The following ONECUT3 variants were observed in gnomAD, a reference collection of about 807,000 sequenced individuals.
ONECUT3 encodes one cut domain family member 3.
ONECUT3 carries 11 observed loss-of-function variants against 16.8 expected under a neutral mutation model. The observed-to-expected ratio is 0.66, with a 90% CI of 0.41 to 1.09. The LOEUF (loss-of-function observed/expected upper bound fraction) is 1.09. Ranked by LOEUF, ONECUT3 falls within the 50% of genes least tolerant of loss-of-function variation. The probability of loss-of-function intolerance (pLI) is 0.00; values close to 1 mark genes in which losing one functional copy is unlikely to be tolerated. For synonymous variants in ONECUT3, 344 were observed against 310.7 expected (o/e 1.11, Z -1.13); for missense variants, 637 against 629.9 (o/e 1.01, Z -0.12).
At chr19:1,756,332 T>C (rs1026017070) in intron 1 of ONECUT3, among the ~76,000 whole-genome samples, 10 of 152,186 alleles carry the variant, frequency 6.6e-5, no homozygotes, top group Admixed American at 4.6e-4. Context: ...AAATAAATAG[T>C]CTTTCGCGTG....
intron 1 of ONECUT3, among the ~76,000 whole-genome samples, chr19:1,765,531 G>A (rs561705745): frequency 5.9e-5 from 9 of 152,314 alleles, no homozygotes; most frequent in East Asian, 1.9e-4. Flanking sequence ...GGCAGCCGCC[G>A]CTTCACGCTG....
chr19:1,762,583 G>A lies in ONECUT3; in HGVS notation c.1192+7729G>A, dbSNP rs1207950785. ...TTGGCGGGTGTGTGGATCCCAGAGC[G>A]CGCCCGGCCCCCAACAGCCTGACAG... is the stretch of plus-strand genomic sequence containing the variant. On this transcript the variant is annotated intron_variant, in intron 1 of 1. Coordinates refer to ENST00000382349, the MANE Select transcript of ONECUT3 (RefSeq NM_001080488.2). This position sits in a 1 kb window ranked among gnomAD's most constrained non-coding sequence, Gnocchi z 4.4. Among the ~76,000 whole-genome samples the A allele has an allele frequency of 1.3e-5, 2 of 152,098 alleles. No individual in the cohort carries two copies. Among genetic ancestry groups the A allele is most frequent in the Non-Finnish European group, 2.9e-5 (2 of 67,992 alleles).
chr19:1,778,654 G>A lies in ONECUT3; in HGVS notation c.*3209G>A, dbSNP rs62127660. ...TTGGCTTGGGATCGTTCTGGTTGTG[G>A]AATGTTTTAGCTATGCTGAACTGTG... On this transcript the variant is annotated 3_prime_UTR_variant, in exon 2 of 2. Coordinates refer to ENST00000382349, the MANE Select transcript of ONECUT3 (RefSeq NM_001080488.2). 46,219 of 151,640 alleles carry A rather than the reference G, an allele frequency of 0.3. 7,403 individuals carry two copies. The highest frequency in any genetic ancestry group is 0.36 in the Middle Eastern group (107 of 294). 9.4% of individuals were successfully genotyped at this position (151,640 alleles called of 1,614,324 possible). A position where few individuals can be genotyped will look rare whatever the true frequency, so the allele number is the denominator to read the frequency against.
chr19:1,767,974 C>T (rs562505778), intron 1 of ONECUT3, among the ~76,000 whole-genome samples: 44 of 152,154 alleles, frequency 2.9e-4, no homozygotes, highest in African/African-American at 3.9e-4. Flanking sequence ...GACTGATAAC[C>T]GTTGGGGAGA....
At chr19:1,767,323 C>G (rs1022957650) in intron 1 of ONECUT3, among the ~76,000 whole-genome samples, 2 of 152,116 alleles carry the variant, frequency 1.3e-5, no homozygotes, top group Non-Finnish European at 2.9e-5. Context: ...CAACCATGAT[C>G]AAGACCATCT....
rs1412351373 is a variant in ONECUT3, at chr19:1,753,527, C to A, written c.-136C>A. ...TGCCACATCCTGGTGGCCGCGCTCGCAGCCGGGCCGGGCCGTGCGCCGCGC... is the reference window on the plus strand; with the variant it reads ...TGCCACATCCTGGTGGCCGCGCTCGAAGCCGGGCCGGGCCGTGCGCCGCGC... On this transcript the variant is annotated 5_prime_UTR_variant, in exon 1 of 2. Transcript: ENST00000382349. The A allele has an allele frequency of 7.8e-6, 2 of 257,886 alleles. No individual in the cohort carries two copies. The highest frequency in any genetic ancestry group is 4.6e-5 in the African/African-American group (2 of 43,284). The allele number at this position is 257,886 out of a possible 1,614,324, so 16.0% of individuals were successfully genotyped here.
At position 1,758,900 on chromosome 19, in the gene ONECUT3, G is replaced by A. The variant is rs544565886; in HGVS notation, c.1192+4046G>A. ...TATTGTTTAAATTGCAACTCCGGAGGAAAAGTATTTTTTGTAACTGATCAG... is the reference window on the plus strand; with the variant it reads ...TATTGTTTAAATTGCAACTCCGGAGAAAAAGTATTTTTTGTAACTGATCAG... On this transcript the variant is annotated intron_variant, in intron 1 of 1. Coordinates refer to ENST00000382349, the MANE Select transcript of ONECUT3 (RefSeq NM_001080488.2). This position sits in a 1 kb window ranked among gnomAD's most constrained non-coding sequence, Gnocchi z 5.9. Among the ~76,000 whole-genome samples, 5 of 152,244 alleles carry A rather than the reference G, an allele frequency of 3.3e-5. No homozygotes were observed. Among genetic ancestry groups the A allele is most frequent in the African/African-American group, 1.2e-4 (5 of 41,544 alleles).
intron 1 of ONECUT3, among the ~76,000 whole-genome samples, chr19:1,774,114 G>A (rs1405708265): frequency 2.0e-5 from 3 of 152,112 alleles, no homozygotes; most frequent in South Asian, 2.1e-4. Flanking sequence ...GATGTTCTGC[G>A]CTCCAGAGGG....
rs1015057227 is a variant in ONECUT3, at chr19:1,780,263, G to A, written c.*4818G>A. 2.0e-5 allele frequency: 3 copies of A among 152,234 alleles called. No homozygotes were observed. Among genetic ancestry groups the A allele is most frequent in the East Asian group, 1.9e-4 (1 of 5,166 alleles). 9.4% of individuals were successfully genotyped at this position (152,234 alleles called of 1,614,324 possible). ...TTCTGTCCAGCCCGGGAGGCAGGGG[G>A]TGTACGCCTGCAGAGACCCCTCCCT... On this transcript the variant is annotated 3_prime_UTR_variant, in exon 2 of 2. Coordinates refer to ENST00000382349, the MANE Select transcript of ONECUT3 (RefSeq NM_001080488.2).
At position 1,755,669 on chromosome 19, in the gene ONECUT3, T is replaced by A. The variant is rs988680914; in HGVS notation, c.1192+815T>A. Among the ~76,000 whole-genome samples the A allele has an allele frequency of 1.3e-5, 2 of 152,344 alleles. No homozygotes were observed. Among genetic ancestry groups the A allele is most frequent in the Non-Finnish European group, 2.9e-5 (2 of 68,034 alleles). ...CTCTCCTCTCTCGGTCGGAACACAC[T>A]GGTATCTCTATGTTTTTCTCTTGCT... On this transcript the variant is annotated intron_variant, in intron 1 of 1. Coordinates refer to ENST00000382349, the MANE Select transcript of ONECUT3 (RefSeq NM_001080488.2). The surrounding 1 kb of genome is among the most constrained non-coding windows in gnomAD (Gnocchi z 7.5).
Position 1,753,812 on chromosome 19 carries a change from G to A in ONECUT3, c.150G>A (p.Met50Ile). 1.0e-6 allele frequency: 1 copy of A among 970,226 alleles called. No homozygotes were observed. Among genetic ancestry groups the A allele is most frequent in the Non-Finnish European group, 1.2e-6 (1 of 818,526 alleles). The allele number at this position is 970,226 out of a possible 1,614,324, so 60.1% of individuals were successfully genotyped here. A position where few individuals can be genotyped will look rare whatever the true frequency, so the allele number is the denominator to read the frequency against. ...APGRPGLVAG[M>I]ASLLDGGGGG... ...GGCGCCCGGGCCTGGTGGCCGGCAT[G>A]GCGAGCCTGCTGGACGGCGGCGGCG... is the stretch of plus-strand genomic sequence containing the variant. Residue 50 changes from methionine (M) to isoleucine (I), a missense_variant, in exon 1 of 2, where the codon ATG becomes ATA. Around this residue, in one of 3 missense-constraint regions of ONECUT3, gnomAD observed 419 missense variants for 377.9 expected, o/e 1.11. Coordinates refer to ENST00000382349, the MANE Select transcript of ONECUT3 (RefSeq NM_001080488.2).
Position 1,753,826 on chromosome 19 carries a change from A to ACGG in ONECUT3, c.183_185dup (p.Gly64dup), listed in dbSNP as rs949075864. The ACGG allele has an allele frequency of 1.5e-4, 147 of 957,950 alleles. 1 individual carries two copies. Among genetic ancestry groups the ACGG allele is most frequent in the African/African-American group, 1.1e-3 (58 of 54,950 alleles). The allele number at this position is 957,950 out of a possible 1,614,324, so 59.3% of individuals were successfully genotyped here. On this transcript the variant is annotated inframe_insertion, in exon 1 of 2. Transcript: ENST00000382349. ...GTGGCCGGCATGGCGAGCCTGCTGGACGGCGGCGGCGGCGGCGGCGGTGGG... is the reference window on the plus strand; with the variant it reads ...GTGGCCGGCATGGCGAGCCTGCTGGACGGCGGCGGCGGCGGCGGCGGCGGTGGG...
At chr19:1,761,122 G>A (rs1016659159) in intron 1 of ONECUT3, among the ~76,000 whole-genome samples, 9 of 143,582 alleles carry the variant, frequency 6.3e-5, no homozygotes, top group Non-Finnish European at 7.5e-5. Context: ...GCGCAACCTC[G>A]GCTCACTGCA....
At chr19:1,767,831 G>A (rs970683224) in intron 1 of ONECUT3, among the ~76,000 whole-genome samples, 3 of 152,244 alleles carry the variant, frequency 2.0e-5, no homozygotes, top group East Asian at 1.9e-4. Flanking sequence ...TGCGTTTGCC[G>A]GGCTCCCTGT....
rs532757710 is a variant in ONECUT3 at position 1,755,316 on chromosome 19, C to T, written c.1192+462C>T. Among the ~76,000 whole-genome samples the T allele has an allele frequency of 6.6e-6, 1 of 152,276 alleles. No homozygotes were observed. The highest frequency in any genetic ancestry group is 1.9e-4 in the East Asian group (1 of 5,164). On this transcript the variant is annotated intron_variant, in intron 1 of 1. Coordinates refer to ENST00000382349, the MANE Select transcript of ONECUT3 (RefSeq NM_001080488.2). This position sits in a 1 kb window ranked among gnomAD's most constrained non-coding sequence, Gnocchi z 7.5. Reference sequence around the variant, plus strand: ...TGGAGAGGGGCTGTTGAGCCCCCAGCCCCGGGCCACAGAGCTCCGAGACGT... The same window carrying T: ...TGGAGAGGGGCTGTTGAGCCCCCAGTCCCGGGCCACAGAGCTCCGAGACGT...
At position 1,753,958 on chromosome 19, in the gene ONECUT3, C is replaced by T; in HGVS notation, c.296C>T (p.Pro99Leu). ...HPAMGMACEA[P>L]GLGGTYTTLT... Reference sequence around the variant, plus strand: ...GCAATGGGCATGGCCTGCGAGGCGCCGGGCCTGGGCGGCACCTACACGACG... The same window carrying T: ...GCAATGGGCATGGCCTGCGAGGCGCTGGGCCTGGGCGGCACCTACACGACG... Residue 99 changes from proline to leucine, a missense_variant, in exon 1 of 2, where the codon CCG becomes CTG. Pro to Leu is a moderately conservative substitution (Grantham distance 98). Around this residue, in one of 3 missense-constraint regions of ONECUT3, gnomAD observed 419 missense variants for 377.9 expected, o/e 1.11. Transcript: ENST00000382349. 1.4e-5 allele frequency: 14 copies of T among 989,642 alleles called. No individual in the cohort carries two copies. Among genetic ancestry groups the T allele is most frequent in the East Asian group, 1.1e-4 (1 of 9,282 alleles). 61.3% of individuals were successfully genotyped at this position (989,642 alleles called of 1,614,324 possible).
At chr19:1,760,734 G>C (rs2067942272) in intron 1 of ONECUT3, among the ~76,000 whole-genome samples, 1 of 151,990 alleles carries the variant, frequency 6.6e-6, no homozygotes, top group Non-Finnish European at 1.5e-5. Flanking sequence ...GCTTTTCCCA[G>C]CAGACCTCCC....
In ONECUT3 at chr19:1,766,260, C is replaced by T. The variant is rs2067987910; in HGVS notation, c.1193-8893C>T. On this transcript the variant is annotated intron_variant, in intron 1 of 1. Transcript: ENST00000382349. The surrounding 1 kb of genome is among the most constrained non-coding windows in gnomAD (Gnocchi z 4.0). ...ATTTGGGAAGCCTCAGGCAGCCCCA[C>T]GCGGGCACACCCGATGGTGGACGGA... Among the ~76,000 whole-genome samples, 4 of 152,208 alleles carry T rather than the reference C, an allele frequency of 2.6e-5. No individual in the cohort carries two copies. Among genetic ancestry groups the T allele is most frequent in the African/African-American group, 7.2e-5 (3 of 41,448 alleles).
In ONECUT3 at chr19:1,759,996, C is replaced by T. The variant is rs993481491; in HGVS notation, c.1192+5142C>T. Among the ~76,000 whole-genome samples, 1 of 152,186 alleles carries T rather than the reference C, an allele frequency of 6.6e-6. No individual in the cohort carries two copies. The highest frequency in any genetic ancestry group is 1.5e-5 in the Non-Finnish European group (1 of 68,032). On this transcript the variant is annotated intron_variant, in intron 1 of 1. Coordinates refer to ENST00000382349, the MANE Select transcript of ONECUT3 (RefSeq NM_001080488.2). This position sits in a 1 kb window ranked among gnomAD's most constrained non-coding sequence, Gnocchi z 4.1. The stretch of plus-strand genomic sequence containing the variant: ...GAGCAGCCCTAGCTAGGGACCTGGG[C>T]CAGGATCAGGGATCAGGCTCCCGCC...
Sources: allele counts gnomAD v4.1 joint callset (sites outside exome capture counted in the v4.1 genomes callset), GRCh38; gene constraint gnomAD v4.1.1; regional missense constraint gnomAD v4.1.1; non-coding constraint Gnocchi (gnomAD v3.1); transcripts MANE v1.5; gene names NCBI Gene and HGNC (gene_info 2026-07-23, HGNC 2026-07-21).